The following GPC5 variants were observed in gnomAD, a reference collection of about 807,000 sequenced individuals.
GPC5 encodes glypican 5, also known as glypican-5.
GPC5 carries 47 observed loss-of-function variants against 53.9 expected under a neutral mutation model. The ratio of observed to expected loss-of-function variants is 0.87; its 90% CI spans 0.69 to 1.11. GPC5 has a LOEUF of 1.11. GPC5 is among the 50% of genes most tolerant of loss of function. GPC5 has a pLI of 0.00. For synonymous variants in GPC5, 286 were observed against 263.3 expected, an observed-to-expected ratio of 1.09 and a Z score of -0.84; for missense variants, 748 against 713.1, an observed-to-expected ratio of 1.05 and a Z score of -0.56.
At chr13:91,521,459 A>T (rs1013792946) in intron 2 of GPC5, among the ~76,000 whole-genome samples, 1 of 152,192 alleles carries the variant, frequency 6.6e-6, no homozygotes, top group African/African-American at 2.4e-5. Flanking sequence ...ATACAGATAA[A>T]TAGAAATACT....
At chr13:92,322,239 G>A (rs2043220810) in intron 7 of GPC5, among the ~76,000 whole-genome samples, 1 of 151,174 alleles carries the variant, frequency 6.6e-6, no homozygotes, top group Non-Finnish European at 1.5e-5. Context: ...AAGGGGAGAT[G>A]AGCAAGCAAG....
intron 2 of GPC5, among the ~76,000 whole-genome samples, chr13:91,450,778 T>A (rs919697537): frequency 1.3e-5 from 2 of 152,090 alleles, no homozygotes; most frequent in African/African-American, 4.8e-5. Flanking sequence ...TATGATTTTT[T>A]AATAATAAAT....
rs139641217 is a variant in GPC5, at chr13:92,169,101, T to G, written c.1561+24112T>G. On this transcript the variant is annotated intron_variant, in intron 7 of 7. Coordinates refer to ENST00000377067, the MANE Select transcript of GPC5 (RefSeq NM_004466.6). ...GGAACAGAGAACCAAACACTGCATG[T>G]TCTCGCTTCTAAGTGGGAGCTCAAC... Among the ~76,000 whole-genome samples, 350 of 152,276 alleles carry G rather than the reference T, an allele frequency of 2.3e-3. 3 individuals are homozygous for G. The highest frequency in any genetic ancestry group is 8.0e-3 in the African/African-American group (334 of 41,564).
At chr13:92,282,908 T>C (rs187464440) in intron 7 of GPC5, among the ~76,000 whole-genome samples, 3 of 152,166 alleles carry the variant, frequency 2.0e-5, no homozygotes, top group Non-Finnish European at 4.4e-5. Flanking sequence ...ACCTCAAATG[T>C]AAATGGGCTA....
rs188062008 is a variant in GPC5 at position 92,280,769 on chromosome 13, G to A, written c.1561+135780G>A. ...AAAATATGACGGGGTGCGGGGGGCGGTTGCAAGATGGCCTAATAGGAACAG... is the reference window on the plus strand; with the variant it reads ...AAAATATGACGGGGTGCGGGGGGCGATTGCAAGATGGCCTAATAGGAACAG... On this transcript the variant is annotated intron_variant, in intron 7 of 7. Coordinates refer to ENST00000377067, the MANE Select transcript of GPC5 (RefSeq NM_004466.6). Among the ~76,000 whole-genome samples, 4 of 152,182 alleles carry A rather than the reference G, an allele frequency of 2.6e-5. No individual in the cohort carries two copies. In the East Asian group the frequency reaches 7.7e-4, roughly 29 times the overall value.
chr13:91,818,614 T>C (rs1240675020), intron 5 of GPC5, among the ~76,000 whole-genome samples: 1 of 152,134 alleles, frequency 6.6e-6, no homozygotes, highest in Non-Finnish European at 1.5e-5. Flanking sequence ...GAGATAACCA[T>C]GGTAAGATTG....
At chr13:92,520,544 A>G (rs1244501632) in intron 7 of GPC5, among the ~76,000 whole-genome samples, 1 of 152,214 alleles carries the variant, frequency 6.6e-6, no homozygotes, top group Admixed American at 6.5e-5. Context: ...TGATTGTCTC[A>G]ATAGATGCAG....
At chr13:91,777,123 C>G (rs2037723053) in intron 5 of GPC5, among the ~76,000 whole-genome samples, 1 of 152,140 alleles carries the variant, frequency 6.6e-6, no homozygotes, top group Non-Finnish European at 1.5e-5. Context: ...CCTCCCCCAC[C>G]AACATTGCTT....
chr13:92,559,330 ATGTGTGTGTGTG>A (rs5805755), intron 7 of GPC5, among the ~76,000 whole-genome samples: 9 of 143,120 alleles, frequency 6.3e-5, no homozygotes, highest in African/African-American at 7.6e-5. Flanking sequence ...TAGTGTGTAT[ATGTGTGTGTGTG>A]TGTGTGTGTG....
chr13:92,359,592 G>GA (rs71120101), intron 7 of GPC5, among the ~76,000 whole-genome samples: 1,536 of 151,674 alleles, frequency 0.01, 29 homozygotes, highest in Middle Eastern at 0.048. Context: ...AATTTATAAA[G>GA]AAAAAAGCTT....
intron 5 of GPC5, among the ~76,000 whole-genome samples, chr13:91,859,844 G>C (rs1046880991): frequency 6.6e-6 from 1 of 151,208 alleles, no homozygotes; most frequent in Non-Finnish European, 1.5e-5. Context: ...TCCAATATAA[G>C]AATTTAAAGT....
intron 3 of GPC5, among the ~76,000 whole-genome samples, chr13:91,720,479 C>G (rs186126407): frequency 6.6e-6 from 1 of 152,092 alleles, no homozygotes; most frequent in Non-Finnish European, 1.5e-5. Flanking sequence ...TCTCCTTGAG[C>G]TTCATCTCAG....
At chr13:91,499,831 C>T (rs932397938) in intron 2 of GPC5, among the ~76,000 whole-genome samples, 2 of 152,196 alleles carry the variant, frequency 1.3e-5, no homozygotes, top group African/African-American at 2.4e-5. Context: ...CATGGAGCCA[C>T]TTCCTAAAAC....
At chr13:91,517,513 A>G (rs1013325532) in intron 2 of GPC5, among the ~76,000 whole-genome samples, 2 of 152,216 alleles carry the variant, frequency 1.3e-5, no homozygotes, top group African/African-American at 4.8e-5. Context: ...CATTTTGGTC[A>G]AAGCCATTCA....
chr13:92,598,284 G>A (rs902451445), intron 7 of GPC5, among the ~76,000 whole-genome samples: 1 of 152,156 alleles, frequency 6.6e-6, no homozygotes, highest in Non-Finnish European at 1.5e-5. Flanking sequence ...GCATATGAAT[G>A]CAAATTGTTG....
chr13:91,879,004 C>G (rs2039235302), intron 5 of GPC5, among the ~76,000 whole-genome samples: 1 of 152,104 alleles, frequency 6.6e-6, no homozygotes, highest in Admixed American at 6.5e-5. Context: ...AGATTTGTCT[C>G]TCTCTAATTC....
At chr13:91,917,386 GC>G (rs1165606785) in intron 6 of GPC5, among the ~76,000 whole-genome samples, 3 of 152,114 alleles carry the variant, frequency 2.0e-5, no homozygotes, top group Non-Finnish European at 4.4e-5. Context: ...CAAGGTGCAG[GC>G]CCCCCACCCC....
intron 7 of GPC5, among the ~76,000 whole-genome samples, chr13:92,316,797 A>C (rs16947365): frequency 0.057 from 8,668 of 152,102 alleles, 275 homozygotes; most frequent in East Asian, 0.097. Context: ...GTTCTGGGTC[A>C]AATTTTGATG....
intron 7 of GPC5, among the ~76,000 whole-genome samples, chr13:92,284,499 G>A (rs965016351): frequency 1.4e-4 from 22 of 152,064 alleles, no homozygotes; most frequent in African/African-American, 4.3e-4. Flanking sequence ...TCAATAAAAT[G>A]CTGACAAACC....
Sources: gnomAD v4.1 joint callset for allele counts (sites outside exome capture counted in the v4.1 genomes callset) on GRCh38, gnomAD v4.1.1 for gene constraint, MANE v1.5 for transcripts, NCBI Gene and HGNC (gene_info 2026-07-23, HGNC 2026-07-21) for gene names.